Variants in PLEKHA5 observed in about 807,000 individuals in gnomAD.
PLEKHA5 encodes the protein pleckstrin homology domain containing A5, also known as pleckstrin homology domain-containing family A member 5.
PLEKHA5 carries 55 observed loss-of-function variants against 181.9 expected under a neutral mutation model. That is an observed-to-expected ratio of 0.30 (90% CI 0.24 to 0.38). The LOEUF (loss-of-function observed/expected upper bound fraction) is 0.38. Among genes scored for constraint, PLEKHA5 ranks in the 10% least tolerant of loss-of-function variants. PLEKHA5 has a pLI of 1.00. For missense variants in PLEKHA5, 1,432 were observed against 1,549.5 expected (o/e 0.92, Z 1.27); for synonymous variants, 535 against 529.4 (o/e 1.01, Z -0.15).
chr12:19,335,253 G>A lies in PLEKHA5; in HGVS notation c.2449-1262G>A, dbSNP rs12300723. Among the ~76,000 whole-genome samples the A allele has an allele frequency of 1.5e-4, 22 of 151,442 alleles. No homozygotes were observed. In the East Asian group the frequency reaches 1.6e-3, roughly 11 times the overall value. ...TCTCTATGTTGCCCAGGCTGGTCTCGAGCTCCTGGGCTCAAGTGATCCACC... is the reference window on the plus strand; with the variant it reads ...TCTCTATGTTGCCCAGGCTGGTCTCAAGCTCCTGGGCTCAAGTGATCCACC... On this transcript the variant is annotated intron_variant, in intron 20 of 31. Transcript: ENST00000429027.
chr12:19,175,806 G>A (rs1476980424), intron 3 of PLEKHA5, among the ~76,000 whole-genome samples: 1 of 152,134 alleles, frequency 6.6e-6, no homozygotes, highest in Non-Finnish European at 1.5e-5. Context: ...TGAAAAGTTT[G>A]TTCTTGATTT....
At chr12:19,193,285 G>A (rs951339037) in intron 3 of PLEKHA5, among the ~76,000 whole-genome samples, 1 of 152,142 alleles carries the variant, frequency 6.6e-6, no homozygotes, top group Non-Finnish European at 1.5e-5. Context: ...GCTTCATTAG[G>A]TAAGACTTTG....
intron 12 of PLEKHA5, among the ~76,000 whole-genome samples, chr12:19,286,213 A>G (rs1038151768): frequency 6.6e-6 from 1 of 152,226 alleles, no homozygotes; most frequent in Non-Finnish European, 1.5e-5. Flanking sequence ...AGAACATTGC[A>G]TAACTCACTG....
At chr12:19,338,621 A>G (rs955187920) in intron 21 of PLEKHA5, among the ~76,000 whole-genome samples, 3 of 149,970 alleles carry the variant, frequency 2.0e-5, no homozygotes, top group African/African-American at 5.0e-5. Context: ...AAAAAAAAAC[A>G]CAAAGTGCTG....
intron 3 of PLEKHA5, among the ~76,000 whole-genome samples, chr12:19,231,916 A>G (rs755765217): frequency 1.4e-4 from 21 of 152,060 alleles, no homozygotes; most frequent in Non-Finnish European, 2.5e-4. Context: ...GTTTTTTTCC[A>G]TCGAGAAAAA....
chr12:19,206,069 A>G (rs886901013), intron 3 of PLEKHA5, among the ~76,000 whole-genome samples: 17 of 152,076 alleles, frequency 1.1e-4, no homozygotes, highest in African/African-American at 1.9e-4. Flanking sequence ...TTAGAATTCT[A>G]TCTTTATTTA....
At position 19,312,050 on chromosome 12, in the gene PLEKHA5, A is replaced by G. The variant is rs577264080; in HGVS notation, c.2038-2764A>G. Among the ~76,000 whole-genome samples, 5 of 152,310 alleles carry G rather than the reference A, an allele frequency of 3.3e-5. No individual in the cohort carries two copies. In the South Asian group the frequency reaches 8.3e-4, roughly 25 times the overall value. ...CACATTCATCCACTTACATGTTTCC[A>G]TCAGAGCTCTTGGGTAACTAGGTTC... On this transcript the variant is annotated intron_variant, in intron 15 of 31. Transcript: ENST00000429027.
intron 14 of PLEKHA5, 78 bp from the exon 15 acceptor site, chr12:19,291,566 T>G: frequency 1.2e-6 from 1 of 830,950 alleles, no homozygotes; most frequent in Non-Finnish European, 1.9e-6. Context: ...TACCTGTTTT[T>G]CTTATTCCAA....
At chr12:19,226,592 A>T (rs2059726998) in intron 3 of PLEKHA5, among the ~76,000 whole-genome samples, 1 of 152,178 alleles carries the variant, frequency 6.6e-6, no homozygotes. Flanking sequence ...TGACTCTTGG[A>T]CTTCCAAATT....
chr12:19,345,815 T>C (rs768522999), intron 22 of PLEKHA5, 27 bp from the exon 23 acceptor site: 4 of 1,144,010 alleles, frequency 3.5e-6, no homozygotes, highest in Admixed American at 4.2e-5. Flanking sequence ...ATATGTTTAA[T>C]ATAGTTACGT....
chr12:19,187,498 G>A (rs3890791), intron 3 of PLEKHA5, among the ~76,000 whole-genome samples: 14,334 of 152,156 alleles, frequency 0.094, 834 homozygotes, highest in Admixed American at 0.19. Flanking sequence ...CAGGTTGTTA[G>A]CAGGTGGCTT....
intron 7 of PLEKHA5, 125 bp from the exon 8 acceptor site, chr12:19,265,625 C>T: frequency 3.3e-6 from 2 of 600,156 alleles, no homozygotes; most frequent in Non-Finnish European, 6.0e-6. Context: ...TTATAAAGGC[C>T]TGCCTGAACA....
intron 3 of PLEKHA5, among the ~76,000 whole-genome samples, chr12:19,234,729 T>C (rs975689565): frequency 6.6e-6 from 1 of 152,192 alleles, no homozygotes; most frequent in Admixed American, 6.5e-5. Flanking sequence ...AAACCAACTC[T>C]GCCAGGATAA....
In PLEKHA5 at chr12:19,336,770, A is replaced by G. The variant is rs75579075; in HGVS notation, c.2550+154A>G. 6.4e-4 allele frequency among the ~76,000 whole-genome samples: 97 copies of G among 152,194 alleles called. 1 individual carries two copies. In the East Asian group the frequency reaches 0.014, roughly 22 times the overall value. ...TACTTTTAATGACAGGAATCTTACT[A>G]TCTCACAAAGGAGACCATCCCCTCT... On this transcript the variant is annotated intron_variant, in intron 21 of 31. Transcript: ENST00000429027.
At chr12:19,220,571 T>C (rs2058790304) in intron 3 of PLEKHA5, among the ~76,000 whole-genome samples, 1 of 152,224 alleles carries the variant, frequency 6.6e-6, no homozygotes, top group Non-Finnish European at 1.5e-5. Flanking sequence ...GCACTATTTC[T>C]ATGAATGTAC....
intron 3 of PLEKHA5, among the ~76,000 whole-genome samples, chr12:19,174,154 A>C (rs2046638595): frequency 6.6e-6 from 1 of 152,174 alleles, no homozygotes; most frequent in African/African-American, 2.4e-5. Context: ...ATATTTCTTT[A>C]ATACAAGGAT....
intron 3 of PLEKHA5, among the ~76,000 whole-genome samples, chr12:19,202,445 G>C (rs2152080934): frequency 6.6e-6 from 1 of 152,154 alleles, no homozygotes; most frequent in South Asian, 2.1e-4. Context: ...TTCTTAATCA[G>C]AGCAAACTCA....
chr12:19,129,987 C>A, intron 1 of PLEKHA5, 64 bp from the exon 2 acceptor site: 2 of 1,451,054 alleles, frequency 1.4e-6, no homozygotes, highest in Non-Finnish European at 1.9e-6. Context: ...GCTCCTGCAG[C>A]CCCTCGGCTC....
intron 20 of PLEKHA5, among the ~76,000 whole-genome samples, chr12:19,334,829 A>AAAAAAAAATAAATATATAT: frequency 1.6e-4 from 3 of 18,608 alleles, no homozygotes; most frequent in Non-Finnish European, 4.3e-4. Context: ...AAAAAAAAAA[A>AAAAAAAAATAAATATATAT]ATATATATAT....
Sources: gnomAD v4.1 joint callset for allele counts (sites outside exome capture counted in the v4.1 genomes callset) on GRCh38, gnomAD v4.1.1 for gene constraint, MANE v1.5 for transcripts, NCBI Gene and HGNC (gene_info 2026-07-23, HGNC 2026-07-21) for gene names.